SRGAP1: variants seen among roughly 807,000 people sequenced by gnomAD.
SRGAP1 encodes SLIT-ROBO Rho GTPase-activating protein 1.
Under a neutral mutation model 121.9 loss-of-function variants are expected in SRGAP1, and 43 were observed. That is an observed-to-expected ratio of 0.35 (90% CI 0.28 to 0.46). The LOEUF is 0.46. SRGAP1 is among the 20% of genes least tolerant of loss of function. The pLI is 1.00. For synonymous variants in SRGAP1, 447 were observed against 485.4 expected, an observed-to-expected ratio of 0.92 and a Z score of 1.04; for missense variants, 1,102 against 1,350.9, an observed-to-expected ratio of 0.82 and a Z score of 2.89.
intron 9 of SRGAP1, among the ~76,000 whole-genome samples, chr12:64,079,616 G>T (rs917657440): frequency 9.2e-5 from 14 of 151,954 alleles, no homozygotes; most frequent in Non-Finnish European, 1.0e-4. Context: ...AGCCTAGGAG[G>T]CAGAGGTTGC....
rs775553183 is a variant in SRGAP1, at chr12:64,097,315, C to T, written c.1753C>T (p.Arg585Cys). The T allele has an allele frequency of 2.5e-6, 4 of 1,613,010 alleles. No homozygotes were observed. Among genetic ancestry groups the T allele is most frequent in the East Asian group, 2.2e-5 (1 of 44,800 alleles). ...TGCTGGCGTTCTGAAGCTCTATTTCCGTGGGCTGGAAAACCCCCTCTTTCC... is the reference window on the plus strand; with the variant it reads ...TGCTGGCGTTCTGAAGCTCTATTTCTGTGGGCTGGAAAACCCCCTCTTTCC... ...SVAGVLKLYF[R>C]GLENPLFPKE... The change falls in exon 15 of 22, where the codon CGT becomes TGT. Residue 585 changes from arginine to cysteine, a missense_variant. Around this residue, in one of 3 missense-constraint regions of SRGAP1, gnomAD observed 747 missense variants for 929.4 expected, o/e 0.80. Transcript: ENST00000355086.
intron 8 of SRGAP1, among the ~76,000 whole-genome samples, chr12:64,072,149 G>GTGTGT (rs1159654414): frequency 2.7e-4 from 5 of 18,430 alleles, no homozygotes; most frequent in Non-Finnish European, 8.8e-4. Context: ...TGTGTGTGTG[G>GTGTGT]GCGGCGGGGG....
chr12:63,934,974 G>A (rs1489027520), intron 1 of SRGAP1, among the ~76,000 whole-genome samples: 1 of 152,182 alleles, frequency 6.6e-6, no homozygotes, highest in African/African-American at 2.4e-5. Flanking sequence ...AGATGGTGGC[G>A]AGAATCAGAT....
intron 10 of SRGAP1, among the ~76,000 whole-genome samples, chr12:64,086,216 CTGAATGGTTCAA>C (rs1237511645): frequency 6.6e-6 from 1 of 152,240 alleles, no homozygotes; most frequent in Non-Finnish European, 1.5e-5. Context: ...AACAAACCAG[CTGAATGGTTCAA>C]TGTTTCCCAC....
intron 1 of SRGAP1, among the ~76,000 whole-genome samples, chr12:63,884,126 T>G (rs1371615674): frequency 6.6e-6 from 1 of 151,620 alleles, no homozygotes; most frequent in Non-Finnish European, 1.5e-5. Flanking sequence ...CTACTAAAAA[T>G]ACAAAAATTA....
chr12:64,097,039 T>C (rs2036168658), intron 14 of SRGAP1, among the ~76,000 whole-genome samples: 1 of 152,218 alleles, frequency 6.6e-6, no homozygotes, highest in African/African-American at 2.4e-5. Flanking sequence ...TTTTAAAAGC[T>C]TTATTTTAGT....
chr12:64,058,424 A>G (rs1397383763), intron 6 of SRGAP1, among the ~76,000 whole-genome samples: 2 of 152,152 alleles, frequency 1.3e-5, no homozygotes, highest in African/African-American at 4.8e-5. Context: ...ACTATTTGCA[A>G]CCCTTTTGCC....
intron 1 of SRGAP1, among the ~76,000 whole-genome samples, chr12:63,925,407 G>T (rs1197793251): frequency 6.6e-6 from 1 of 152,146 alleles, no homozygotes; most frequent in South Asian, 2.1e-4. Context: ...GAGGAAAATT[G>T]TTAATAGTTG....
chr12:63,970,841 G>A (rs1314504613), intron 1 of SRGAP1, among the ~76,000 whole-genome samples: 1 of 152,090 alleles, frequency 6.6e-6, no homozygotes, highest in African/African-American at 2.4e-5. Context: ...TAAATCTACA[G>A]CTATCTTTTC....
At chr12:64,070,699 A>G (rs2035621950) in intron 8 of SRGAP1, among the ~76,000 whole-genome samples, 1 of 152,234 alleles carries the variant, frequency 6.6e-6, no homozygotes, top group Non-Finnish European at 1.5e-5. Flanking sequence ...CATTACTTAC[A>G]CAAGATATTT....
At chr12:64,037,693 C>T (rs1296168064) in intron 4 of SRGAP1, among the ~76,000 whole-genome samples, 2 of 152,184 alleles carry the variant, frequency 1.3e-5, no homozygotes, top group African/African-American at 4.8e-5. Context: ...TGTGCTTTCC[C>T]GCATCCCTGC....
intron 1 of SRGAP1, among the ~76,000 whole-genome samples, chr12:63,971,011 C>G (rs938626487): frequency 6.6e-6 from 1 of 152,172 alleles, no homozygotes; most frequent in Non-Finnish European, 1.5e-5. Context: ...GCCTACCTAA[C>G]CACCCTGCGA....
chr12:63,949,116 T>TCATATATGTATTTTCCATATATATACATC, intron 1 of SRGAP1, among the ~76,000 whole-genome samples: 1 of 96,478 alleles, frequency 1.0e-5, no homozygotes, highest in South Asian at 3.6e-4. Context: ...ATATATACAT[T>TCATATATGTATTTTCCATATATATACATC]CATATATGTA....
chr12:64,072,108 CTG>C (rs66959510), intron 8 of SRGAP1, among the ~76,000 whole-genome samples: 1,800 of 80,386 alleles, frequency 0.022, 34 homozygotes, highest in South Asian at 0.033. Context: ...CAATCTCTCT[CTG>C]TGTGTGTGTG....
intron 8 of SRGAP1, among the ~76,000 whole-genome samples, chr12:64,076,917 A>C (rs1463835847): frequency 6.6e-6 from 1 of 152,208 alleles, no homozygotes; most frequent in Non-Finnish European, 1.5e-5. Flanking sequence ...TGCTGGGATT[A>C]CAGGTGTGAG....
chr12:63,904,791 C>T (rs957802701), intron 1 of SRGAP1, among the ~76,000 whole-genome samples: 14 of 151,988 alleles, frequency 9.2e-5, no homozygotes, highest in Non-Finnish European at 7.4e-5. Context: ...AAAAATTAGC[C>T]AGGCATAATG....
rs148992206 is a variant in SRGAP1, at chr12:64,036,382, T to C, written c.490-6408T>C. 2.8e-4 allele frequency among the ~76,000 whole-genome samples: 43 copies of C among 152,292 alleles called. 1 individual carries two copies. The East Asian group carries it at 8.3e-3, about 29-fold the overall frequency. The stretch of plus-strand genomic sequence containing the variant: ...GGTATTACCCCAGTGGTTTGGTTAG[T>C]CTGGCACTTGCAGAAATTCAGCTAC... On this transcript the variant is annotated intron_variant, in intron 4 of 21. Transcript: ENST00000355086.
At chr12:63,947,206 C>T (rs2136357642) in intron 1 of SRGAP1, among the ~76,000 whole-genome samples, 1 of 152,276 alleles carries the variant, frequency 6.6e-6, no homozygotes, top group East Asian at 1.9e-4. Flanking sequence ...TTATAAGAAA[C>T]TGCAAACTGT....
rs1754156882 is a variant in SRGAP1, at chr12:64,150,193, C to T, written c.*7521C>T. On this transcript the variant is annotated 3_prime_UTR_variant, in exon 22 of 22. Coordinates refer to ENST00000355086, the MANE Select transcript of SRGAP1 (RefSeq NM_020762.4). The stretch of plus-strand genomic sequence containing the variant: ...GGAGGGGTTGGGAAGAGAGATTGCT[C>T]CTCCCGCAGTGCTGAAACAACATGC... 1 of 152,118 alleles carries T rather than the reference C, an allele frequency of 6.6e-6. No individual in the cohort carries two copies. The allele number at this position is 152,118 out of a possible 1,614,324, so 9.4% of individuals were successfully genotyped here.
Sources: allele counts gnomAD v4.1 joint callset (sites outside exome capture counted in the v4.1 genomes callset), GRCh38; gene constraint gnomAD v4.1.1; regional missense constraint gnomAD v4.1.1; transcripts MANE v1.5; gene names NCBI Gene and HGNC (gene_info 2026-07-23, HGNC 2026-07-21).